Variants in RBFOX1 observed in about 807,000 individuals in gnomAD.
RBFOX1 encodes RNA binding fox-1 homolog 1, also known as RNA binding protein fox-1 homolog 1.
Under a neutral mutation model 57.7 loss-of-function variants are expected in RBFOX1, and 8 were observed. The observed-to-expected ratio is 0.14, with a 90% confidence interval of 0.08 to 0.25. The LOEUF (loss-of-function observed/expected upper bound fraction) is 0.25, where lower values mean the gene tolerates loss of function less well. Ranked by LOEUF, RBFOX1 falls within the 10% of genes least tolerant of loss-of-function variation. The pLI is 1.00. For missense variants in RBFOX1, 611 were observed against 548.5 expected, an observed-to-expected ratio of 1.11 and a Z score of -1.14; for synonymous variants, 326 against 222.4, an observed-to-expected ratio of 1.47 and a Z score of -4.15.
At chr16:6,952,007 A>G (rs1251129431) in intron 3 of RBFOX1, among the ~76,000 whole-genome samples, 1 of 152,224 alleles carries the variant, frequency 6.6e-6, no homozygotes, top group African/African-American at 2.4e-5. Flanking sequence ...AAAGCATATT[A>G]ACAGGAAAGA....
At chr16:7,177,465 TGG>T (rs2081908812) in intron 4 of RBFOX1, among the ~76,000 whole-genome samples, 1 of 149,492 alleles carries the variant, frequency 6.7e-6, no homozygotes, top group Admixed American at 6.7e-5. Flanking sequence ...ACACTGTAAA[TGG>T]GTACAGATAG....
chr16:7,387,599 C>T (rs17143532), intron 4 of RBFOX1, among the ~76,000 whole-genome samples: 6 of 152,022 alleles, frequency 3.9e-5, no homozygotes, highest in East Asian at 1.9e-4. Flanking sequence ...AGAGGTTCTT[C>T]GAATGTATGG....
Position 6,837,267 on chromosome 16 carries a change from C to T in RBFOX1, c.-16+182617C>T, listed in dbSNP as rs373255108. Among the ~76,000 whole-genome samples, 4 of 152,318 alleles carry T rather than the reference C, an allele frequency of 2.6e-5. No homozygotes were observed. In the South Asian group the frequency reaches 8.3e-4, roughly 32 times the overall value. ...CATATTGCTCTCTCATCTGAGCGTGCTGCTAGTCTGTTCCACGAGGTGGCT... is the reference window on the plus strand; with the variant it reads ...CATATTGCTCTCTCATCTGAGCGTGTTGCTAGTCTGTTCCACGAGGTGGCT... On this transcript the variant is annotated intron_variant, in intron 3 of 15. Transcript: ENST00000550418.
At chr16:5,578,957 C>G (rs143674519) in intron 2 of RBFOX1, among the ~76,000 whole-genome samples, 1 of 149,628 alleles carries the variant, frequency 6.7e-6, no homozygotes, top group Non-Finnish European at 1.5e-5. Context: ...TAGTGATTCT[C>G]CTGCCTCAGC....
intron 6 of RBFOX1, among the ~76,000 whole-genome samples, chr16:7,582,275 C>G (rs924519035): frequency 1.3e-5 from 2 of 152,138 alleles, no homozygotes; most frequent in Admixed American, 6.5e-5. Flanking sequence ...AGAGAACACA[C>G]CATGCATTTA....
intron 4 of RBFOX1, among the ~76,000 whole-genome samples, chr16:7,412,084 A>T (rs2098434657): frequency 6.6e-6 from 1 of 152,128 alleles, no homozygotes; most frequent in Non-Finnish European, 1.5e-5. Context: ...ATCGTGATGT[A>T]TTCATAGTGG....
intron 1 of RBFOX1, among the ~76,000 whole-genome samples, chr16:6,145,206 G>T (rs967379806): frequency 6.6e-6 from 1 of 151,980 alleles, no homozygotes; most frequent in African/African-American, 2.4e-5. Context: ...CCCTAGGAAA[G>T]GCCCTGGGTG....
chr16:6,806,434 A>G (rs774225660), intron 3 of RBFOX1, among the ~76,000 whole-genome samples: 41 of 152,168 alleles, frequency 2.7e-4, no homozygotes, highest in Non-Finnish European at 5.0e-4. Flanking sequence ...TCAAATTCAT[A>G]TGCTAACTAG....
Position 7,518,358 on chromosome 16 carries a change from C to A in RBFOX1, c.239C>A (p.Thr80Lys), listed in dbSNP as rs371393737. The change falls in exon 5 of 16, where the codon ACG becomes AAG. Residue 80 changes from threonine to lysine, a missense_variant. This residue lies in a region of RBFOX1 where 245 missense variants were observed against 159.1 expected (regional missense o/e 1.54). Transcript: ENST00000550418. Reference sequence around the variant, plus strand: ...CACTCCGAGCAGAGCCCGGCGGACACGAGCGCTCAGACCGTCTCTGGCACC... The same window carrying A: ...CACTCCGAGCAGAGCCCGGCGGACAAGAGCGCTCAGACCGTCTCTGGCACC... The part of the protein sequence containing the change: ...QTHSEQSPAD[T>K]SAQTVSGTAT... 131 of 1,612,650 alleles carry A rather than the reference C, an allele frequency of 8.1e-5. No homozygotes were observed. Among genetic ancestry groups the A allele is most frequent in the Non-Finnish European group, 1.1e-4 (126 of 1,179,256 alleles).
intron 1 of RBFOX1, among the ~76,000 whole-genome samples, chr16:5,436,196 C>G (rs1195675004): frequency 6.6e-6 from 1 of 152,214 alleles, no homozygotes; most frequent in East Asian, 1.9e-4. Flanking sequence ...GCTCTGATCC[C>G]TGCCTAGGAG....
chr16:5,864,122 T>A (rs2057290251), intron 3 of RBFOX1, among the ~76,000 whole-genome samples: 2 of 152,172 alleles, frequency 1.3e-5, no homozygotes, highest in South Asian at 4.1e-4. Context: ...CTCTCATCAT[T>A]TAGCTCCAAC....
chr16:5,839,927 T>C (rs551588427), intron 3 of RBFOX1, among the ~76,000 whole-genome samples: 1 of 152,098 alleles, frequency 6.6e-6, no homozygotes, highest in African/African-American at 2.4e-5. Context: ...ACAGAGAAAC[T>C]AAGGTAGACA....
Position 7,319,422 on chromosome 16 carries a change from T to C in RBFOX1, c.28-198725T>C, listed in dbSNP as rs575208903. On this transcript the variant is annotated intron_variant, in intron 4 of 15. Coordinates refer to ENST00000550418, the MANE Select transcript of RBFOX1 (RefSeq NM_018723.4). ...GTAGAAGAGGCAAACAATTCTTGTC[T>C]GCCAAACATTATTTAAAAAGAAGAC... 1.4e-4 allele frequency among the ~76,000 whole-genome samples: 22 copies of C among 152,344 alleles called. No individual in the cohort carries two copies. The South Asian group carries it at 4.6e-3, about 32-fold the overall frequency.
At chr16:7,029,235 CGTATACGTATATATATACACACATATAT>C (rs2042123762) in intron 3 of RBFOX1, among the ~76,000 whole-genome samples, 1 of 64,118 alleles carries the variant, frequency 1.6e-5, no homozygotes, top group Non-Finnish European at 2.7e-5. Flanking sequence ...CATATATATA[CGTATACGTATATATATACACACATATAT>C]ATACGTATAC....
intron 2 of RBFOX1, among the ~76,000 whole-genome samples, chr16:6,324,132 C>T (rs2082113096): frequency 2.0e-5 from 3 of 151,938 alleles, no homozygotes; most frequent in Non-Finnish European, 4.4e-5. Context: ...ATTTCTCATC[C>T]CTCACCTTCC....
chr16:6,061,904 GC>G (rs1282898904), intron 1 of RBFOX1, among the ~76,000 whole-genome samples: 3 of 152,044 alleles, frequency 2.0e-5, no homozygotes, highest in African/African-American at 7.2e-5. Context: ...GGATTCTGCC[GC>G]CAAGACTGCC....
intron 1 of RBFOX1, among the ~76,000 whole-genome samples, chr16:5,378,284 C>G (rs1189319170): frequency 1.3e-5 from 2 of 151,584 alleles, no homozygotes; most frequent in African/African-American, 2.4e-5. Context: ...CTCATCCAAA[C>G]AACCCAAAGG....
At chr16:5,507,479 A>C (rs1242631507) in intron 2 of RBFOX1, among the ~76,000 whole-genome samples, 1 of 152,148 alleles carries the variant, frequency 6.6e-6, no homozygotes, top group Non-Finnish European at 1.5e-5. Context: ...GCAGCTTCCC[A>C]GTGGGCTGGA....
At chr16:7,485,176 AG>A (rs2065067437) in intron 4 of RBFOX1, among the ~76,000 whole-genome samples, 1 of 152,150 alleles carries the variant, frequency 6.6e-6, no homozygotes, top group South Asian at 2.1e-4. Context: ...ATCAAGGGAC[AG>A]GTGTGTTCAC....
Sources: gnomAD v4.1 joint callset for allele counts (sites outside exome capture counted in the v4.1 genomes callset) on GRCh38, gnomAD v4.1.1 for gene constraint, gnomAD v4.1.1 regional missense constraint, MANE v1.5 for transcripts, NCBI Gene and HGNC (gene_info 2026-07-23, HGNC 2026-07-21) for gene names.